Variants in CASZ1 observed in about 807,000 individuals in gnomAD.
CASZ1 encodes castor zinc finger 1, also known as zinc finger protein castor homolog 1.
A neutral mutation model predicts 135.2 loss-of-function variants in CASZ1; 28 were observed. That is an observed-to-expected ratio of 0.21 (90% CI 0.15 to 0.28). The LOEUF is 0.28. Among genes scored for constraint, CASZ1 ranks in the 10% least tolerant of loss-of-function variants. CASZ1 has a pLI of 1.00. For missense variants in CASZ1, 2,161 were observed against 2,453.3 expected, an observed-to-expected ratio of 0.88 and a Z score of 2.52; for synonymous variants, 1,068 against 1,073.4, an observed-to-expected ratio of 0.99 and a Z score of 0.10.
At chr1:10,703,772 G>T (rs1285596616) in intron 3 of CASZ1, among the ~76,000 whole-genome samples, 2 of 152,166 alleles carry the variant, frequency 1.3e-5, no homozygotes, top group Non-Finnish European at 2.9e-5. Flanking sequence ...AACCTTTTAG[G>T]CTTTGTGAGC....
chr1:10,650,467 A>G (rs891027800), intron 13 of CASZ1: 30 of 432,846 alleles, frequency 6.9e-5, no homozygotes, highest in South Asian at 3.0e-4. Flanking sequence ...AGGGAAAAAA[A>G]GGTGTCAGAG....
rs904963944 is a variant in CASZ1 at position 10,640,049 on chromosome 1, G to A, written c.4173C>T (p.Ile1391=). 6 of 1,606,502 alleles carry A rather than the reference G, an allele frequency of 3.7e-6. No homozygotes were observed. The highest frequency in any genetic ancestry group is 1.7e-5 in the Admixed American group (1 of 60,000). The change falls in exon 21 of 21, where the codon ATC becomes ATT. Residue 1391 remains isoleucine, a synonymous_variant. Transcript: ENST00000377022. ...TGGCCCCCGAGGCTGTCGGCATAGAGATGGTGTTCCCTGGGGAGGGGCAGG... is the reference window on the plus strand; with the variant it reads ...TGGCCCCCGAGGCTGTCGGCATAGAAATGGTGTTCCCTGGGGAGGGGCAGG... ...GNESTAAGNT[I]SMPTASGAKK... is the part of the protein sequence containing the mutation.
At position 10,757,481 on chromosome 1, in the gene CASZ1, C is replaced by A. The variant is rs889818795; in HGVS notation, c.-77+3220G>T. ...TCCCAATTTCTTCCCTTGGCAGCCC[C>A]AACTACCTTTTTAAAACAAACATTG... On this transcript the variant is annotated intron_variant, in intron 2 of 20. Coordinates refer to ENST00000377022, the MANE Select transcript of CASZ1 (RefSeq NM_001079843.3). This position sits in a 1 kb window ranked among gnomAD's most constrained non-coding sequence, Gnocchi z 4.6. Among the ~76,000 whole-genome samples, 5 of 152,132 alleles carry A rather than the reference C, an allele frequency of 3.3e-5. No individual in the cohort carries two copies. Among genetic ancestry groups the A allele is most frequent in the African/African-American group, 9.7e-5 (4 of 41,410 alleles).
At chr1:10,714,799 A>G (rs284247) in intron 2 of CASZ1, among the ~76,000 whole-genome samples, 38,418 of 152,104 alleles carry the variant, frequency 0.25, 7,287 homozygotes, top group African/African-American at 0.51. Context: ...GTCTGTCTCC[A>G]GGCCTCGGCC....
rs572824153 is a variant in CASZ1, at chr1:10,700,080, G to GACACACACACACACACACACACACAC, written c.-24+5386_-24+5411dup. On this transcript the variant is annotated intron_variant, in intron 3 of 20. Coordinates refer to ENST00000377022, the MANE Select transcript of CASZ1 (RefSeq NM_001079843.3). The surrounding 1 kb of genome is among the most constrained non-coding windows in gnomAD (Gnocchi z 4.2). ...AGACAGAGAGAGAAAGAGAGATAGA[G>GACACACACACACACACACACACACAC]ACACACACACACACACACACACACA... Among the ~76,000 whole-genome samples, 1,353 of 133,962 alleles carry GACACACACACACACACACACACACAC rather than the reference G, an allele frequency of 0.01. 26 individuals are homozygous for GACACACACACACACACACACACACAC. The highest frequency in any genetic ancestry group is 0.017 in the African/African-American group (583 of 35,240). The allele number at this position is 133,962 out of a possible 152,430, so 87.9% of individuals were successfully genotyped here. A position where few individuals can be genotyped will look rare whatever the true frequency, so the allele number is the denominator to read the frequency against.
intron 1 of CASZ1, among the ~76,000 whole-genome samples, chr1:10,780,576 A>G (rs1640744598): frequency 6.6e-6 from 1 of 152,258 alleles, no homozygotes; most frequent in Non-Finnish European, 1.5e-5. Flanking sequence ...ATAAATATAT[A>G]CAGTCACCAA....
chr1:10,652,966 G>A, intron 11 of CASZ1: 1 of 274,332 alleles, frequency 3.6e-6, no homozygotes, highest in South Asian at 3.4e-5. Context: ...CCGCTGGGCT[G>A]GACGCAGGCC....
At chr1:10,722,924 C>G (rs180777272) in intron 2 of CASZ1, among the ~76,000 whole-genome samples, 21 of 152,384 alleles carry the variant, frequency 1.4e-4, no homozygotes, top group African/African-American at 4.8e-4. Context: ...AGCTTGGAAG[C>G]CTTCCGGGAA....
intron 18 of CASZ1, among the ~76,000 whole-genome samples, chr1:10,643,689 G>A (rs1642278878): frequency 6.6e-6 from 1 of 152,194 alleles, no homozygotes; most frequent in East Asian, 1.9e-4. Context: ...AGCCCGGGGT[G>A]CTGTCTGCCC....
chr1:10,773,674 C>A (rs1640613416), intron 1 of CASZ1, among the ~76,000 whole-genome samples: 1 of 152,082 alleles, frequency 6.6e-6, no homozygotes, highest in Non-Finnish European at 1.5e-5. Flanking sequence ...TCCCCCAAAC[C>A]AAGCAGGACA....
At position 10,747,532 on chromosome 1, in the gene CASZ1, G is replaced by C. The variant is rs543458174; in HGVS notation, c.-77+13169C>G. On this transcript the variant is annotated intron_variant, in intron 2 of 20. Coordinates refer to ENST00000377022, the MANE Select transcript of CASZ1 (RefSeq NM_001079843.3). This position sits in a 1 kb window ranked among gnomAD's most constrained non-coding sequence, Gnocchi z 4.3. ...CACCTCCAGTGAGTGAGCAGAAGCTGCAGTCCCTGTCCCGGGCTTTGCAGA... is the reference window on the plus strand; with the variant it reads ...CACCTCCAGTGAGTGAGCAGAAGCTCCAGTCCCTGTCCCGGGCTTTGCAGA... Among the ~76,000 whole-genome samples, 2 of 152,210 alleles carry C rather than the reference G, an allele frequency of 1.3e-5. No individual in the cohort carries two copies. The highest frequency in any genetic ancestry group is 2.9e-5 in the Non-Finnish European group (2 of 68,038).
intron 4 of CASZ1, among the ~76,000 whole-genome samples, chr1:10,673,670 G>T (rs775754480): frequency 6.6e-6 from 1 of 152,178 alleles, no homozygotes; most frequent in Non-Finnish European, 1.5e-5. Flanking sequence ...AAACCTCAGC[G>T]ATTCGTGGCC....
intron 1 of CASZ1, among the ~76,000 whole-genome samples, chr1:10,792,972 A>G (rs1640991728): frequency 6.6e-6 from 1 of 152,174 alleles, no homozygotes; most frequent in Non-Finnish European, 1.5e-5. Context: ...AGAGGAGCAA[A>G]TATACCTCAA....
chr1:10,668,530 C>T (rs1256151397), intron 4 of CASZ1, among the ~76,000 whole-genome samples: 2 of 152,154 alleles, frequency 1.3e-5, no homozygotes, highest in Non-Finnish European at 2.9e-5. Context: ...ACGGGAGAGG[C>T]GAGGGGAGGG....
chr1:10,672,762 C>G (rs931562610), intron 4 of CASZ1, among the ~76,000 whole-genome samples: 1 of 152,220 alleles, frequency 6.6e-6, no homozygotes, highest in African/African-American at 2.4e-5. Flanking sequence ...GAAAAACCAT[C>G]ATAAAACTCC....
At chr1:10,764,360 G>T (rs1023839130) in intron 1 of CASZ1, among the ~76,000 whole-genome samples, 1 of 152,204 alleles carries the variant, frequency 6.6e-6, no homozygotes, top group Non-Finnish European at 1.5e-5. Context: ...CGGCAGGCTG[G>T]GCATAAGGGC....
chr1:10,796,401 GGCTCGCTC>G (rs1182441115), intron 1 of CASZ1, among the ~76,000 whole-genome samples, 155 bp downstream of exon 1: 1 of 152,028 alleles, frequency 6.6e-6, no homozygotes, highest in Non-Finnish European at 1.5e-5. Context: ...CTGGCTGGCT[GGCTCGCTC>G]GCTCGCTCGC....
Position 10,794,706 on chromosome 1 carries a change from T to A in CASZ1, c.-234+1858A>T, listed in dbSNP as rs1320204695. 1.3e-5 allele frequency among the ~76,000 whole-genome samples: 2 copies of A among 152,030 alleles called. No individual in the cohort carries two copies. Among genetic ancestry groups the A allele is most frequent in the East Asian group, 3.9e-4 (2 of 5,192 alleles). On this transcript the variant is annotated intron_variant, in intron 1 of 20. Transcript: ENST00000377022. The surrounding 1 kb of genome is among the most constrained non-coding windows in gnomAD (Gnocchi z 5.6). ...CTCCGGACCCGGGTCGGGGATGACT[T>A]GGAAGAAGAATCTGCGCCCACCCCT... is the stretch of plus-strand genomic sequence containing the variant.
intron 4 of CASZ1, among the ~76,000 whole-genome samples, chr1:10,678,410 G>A (rs1168050283): frequency 6.6e-6 from 1 of 150,380 alleles, no homozygotes; most frequent in African/African-American, 2.4e-5. Flanking sequence ...GGGAGAGGCA[G>A]CAGGTGGGTG....
Sources: allele counts gnomAD v4.1 joint callset (sites outside exome capture counted in the v4.1 genomes callset), GRCh38; gene constraint gnomAD v4.1.1; non-coding constraint Gnocchi (gnomAD v3.1); transcripts MANE v1.5; gene names NCBI Gene and HGNC (gene_info 2026-07-23, HGNC 2026-07-21).